The following PI4KB variants were observed in gnomAD, a reference collection of about 807,000 sequenced individuals.
The protein encoded by PI4KB is PtdIns 4-kinase beta.
In PI4KB, 23 loss-of-function variants were observed where a neutral mutation model predicts 81.4. That is an observed-to-expected ratio of 0.28 (90% CI 0.20 to 0.40). The LOEUF (loss-of-function observed/expected upper bound fraction) is 0.40. Ranked by LOEUF, PI4KB falls within the 10% of genes least tolerant of loss-of-function variation. The pLI, the probability that PI4KB is intolerant of heterozygous loss-of-function variation, is 1.00. For synonymous variants in PI4KB, 381 were observed against 406.8 expected, an observed-to-expected ratio of 0.94 and a Z score of 0.76; for missense variants, 651 against 1,036.6, an observed-to-expected ratio of 0.63 and a Z score of 5.11.
intron 11 of PI4KB, 113 bp from the exon 12 acceptor site, chr1:151,293,146 G>A: frequency 6.6e-7 from 1 of 1,519,672 alleles, no homozygotes; most frequent in Non-Finnish European, 8.8e-7. Flanking sequence ...CCCACCTCAG[G>A]TCCTTGATGA....
At chr1:151,318,966 A>T (rs371832597) in intron 1 of PI4KB, among the ~76,000 whole-genome samples, 6 of 152,158 alleles carry the variant, frequency 3.9e-5, no homozygotes, top group Admixed American at 2.6e-4. Flanking sequence ...GGCTGCTAAC[A>T]TATAATGGAA....
At chr1:151,324,547 G>GGA (rs1307539729) in intron 1 of PI4KB, among the ~76,000 whole-genome samples, 1 of 152,164 alleles carries the variant, frequency 6.6e-6, no homozygotes, top group East Asian at 1.9e-4. Context: ...GGGCATTAGG[G>GGA]GAGAGGGCAT....
chr1:151,318,431 G>A (rs902804069), intron 1 of PI4KB, among the ~76,000 whole-genome samples: 4 of 134,538 alleles, frequency 3.0e-5, no homozygotes, highest in Admixed American at 7.5e-5. Flanking sequence ...AAAAAAAAAA[G>A]GCCGGGCGCG....
intron 1 of PI4KB, among the ~76,000 whole-genome samples, chr1:151,319,361 A>T (rs1174962599): frequency 6.6e-6 from 1 of 152,190 alleles, no homozygotes; most frequent in African/African-American, 2.4e-5. Flanking sequence ...GTGTGTGTGT[A>T]ACATAAAACT....
chr1:151,326,137 C>G, intron 1 of PI4KB: 1 of 1,603,994 alleles, frequency 6.2e-7, no homozygotes, highest in Non-Finnish European at 8.5e-7. Context: ...TTAACAAAAG[C>G]CTAAAATTAA....
At chr1:151,310,664 C>A (rs1184156468) in intron 2 of PI4KB, among the ~76,000 whole-genome samples, 2 of 152,130 alleles carry the variant, frequency 1.3e-5, no homozygotes, top group Non-Finnish European at 2.9e-5. Flanking sequence ...TCCATGGGGA[C>A]CACCACAGGA....
At chr1:151,314,462 C>A (rs587645862) in intron 2 of PI4KB, among the ~76,000 whole-genome samples, 42 of 152,294 alleles carry the variant, frequency 2.8e-4, no homozygotes, top group South Asian at 1.0e-3. Context: ...GTGGGTATAA[C>A]CTATTCATGT....
At position 151,297,344 on chromosome 1, in the gene PI4KB, T is replaced by C. The variant is rs146149232; in HGVS notation, c.2015+1464A>G. Among the ~76,000 whole-genome samples, 781 of 149,798 alleles carry C rather than the reference T, an allele frequency of 5.2e-3. 7 individuals carry two copies. Among genetic ancestry groups the C allele is most frequent in the African/African-American group, 0.018 (742 of 40,942 alleles). ...ATCCTCCTGCCTCGGCCTTGTTGGCTAGATTTTTTTTTTTTTTTTTTGAGA... is the reference window on the plus strand; with the variant it reads ...ATCCTCCTGCCTCGGCCTTGTTGGCCAGATTTTTTTTTTTTTTTTTTGAGA... On this transcript the variant is annotated intron_variant, in intron 9 of 11. Transcript: ENST00000368873.
chr1:151,307,233 T>C (rs1482514407), intron 4 of PI4KB, among the ~76,000 whole-genome samples: 4 of 152,108 alleles, frequency 2.6e-5, no homozygotes, highest in Non-Finnish European at 4.4e-5. Context: ...ATCCTTATGG[T>C]TGCTGTATCT....
intron 3 of PI4KB, 85 bp from the exon 4 acceptor site, chr1:151,307,886 A>G: frequency 9.6e-7 from 1 of 1,045,890 alleles, no homozygotes; most frequent in South Asian, 1.3e-5. Flanking sequence ...CTGGCCATGC[A>G]GGCCGGGGAC....
intron 8 of PI4KB, among the ~76,000 whole-genome samples, chr1:151,301,521 C>T (rs899425781): frequency 6.6e-6 from 1 of 152,240 alleles, no homozygotes; most frequent in Non-Finnish European, 1.5e-5. Context: ...CCTCAGCCTC[C>T]GGAGTAGCTG....
chr1:151,322,063 A>AG (rs1183918763), intron 1 of PI4KB, among the ~76,000 whole-genome samples: 2 of 152,090 alleles, frequency 1.3e-5, no homozygotes, highest in East Asian at 3.8e-4. Flanking sequence ...ATGGCCTTCA[A>AG]GGGGGTTCAG....
At position 151,303,612 on chromosome 1, in the gene PI4KB, G is replaced by A; in HGVS notation, c.1449C>T (p.Ser483=). 6.2e-7 allele frequency: 1 copy of A among 1,614,048 alleles called. No individual in the cohort carries two copies. Among genetic ancestry groups the A allele is most frequent in the Non-Finnish European group, 8.5e-7 (1 of 1,179,928 alleles). ...TGGTGATGCTGTCCACAGAGAACTG[G>A]GAGATGTTGTCACAGCTGTTGGTAT... ...EVHTNSCDNI[S]QFSVDSITSQ... Residue 483 remains serine (S), a synonymous_variant, in exon 6 of 12, where the codon TCC becomes TCT. Transcript: ENST00000368873.
rs1002995279 is a variant in PI4KB, at chr1:151,306,419, C to G, written c.1183-56G>C. On this transcript the variant is annotated intron_variant, in intron 4 of 11. Coordinates refer to ENST00000368873, the MANE Select transcript of PI4KB (RefSeq NM_001369623.2). ...TTACTTCCACCACTAACCCCCAAAT[C>G]TCAACTCTGTTAGCAAGGTTCTTCC... The G allele has an allele frequency of 2.4e-5, 27 of 1,121,796 alleles. No individual in the cohort carries two copies. The African/African-American group carries it at 4.0e-4, about 17-fold the overall frequency. The allele number at this position is 1,121,796 out of a possible 1,614,324, so 69.5% of individuals were successfully genotyped here.
intron 9 of PI4KB, among the ~76,000 whole-genome samples, chr1:151,297,376 T>C (rs1694895754): frequency 1.3e-5 from 1 of 78,874 alleles, no homozygotes; most frequent in Non-Finnish European, 3.1e-5. Context: ...GAGACTCGCT[T>C]TGTTGCCCAG....
chr1:151,295,314 A>G (rs1265590211), intron 9 of PI4KB, among the ~76,000 whole-genome samples: 1 of 152,208 alleles, frequency 6.6e-6, no homozygotes, highest in Admixed American at 6.5e-5. Context: ...TCTGAGGGCC[A>G]CCTTCTCTGG....
Position 151,314,873 on chromosome 1 carries a change from G to A in PI4KB, c.909+700C>T, listed in dbSNP as rs587710893. Among the ~76,000 whole-genome samples the A allele has an allele frequency of 4.6e-5, 7 of 152,308 alleles. No individual in the cohort carries two copies. The South Asian group carries it at 1.5e-3, about 32-fold the overall frequency. Reference sequence around the variant, plus strand: ...TACCTTTTCCTTTCCCACAGATGCTGCTCTGAGAGGCTCTGGTAGCTATCT... The same window carrying A: ...TACCTTTTCCTTTCCCACAGATGCTACTCTGAGAGGCTCTGGTAGCTATCT... On this transcript the variant is annotated intron_variant, in intron 2 of 11. Transcript: ENST00000368873.
At position 151,306,141 on chromosome 1, in the gene PI4KB, C is replaced by T. The variant is rs755436866; in HGVS notation, c.1405G>A (p.Val469Met). Residue 469 changes from valine (V) to methionine (M), a missense_variant, in exon 5 of 12, where the codon GTG (valine) becomes ATG (methionine). Around this residue, in one of 5 missense-constraint regions of PI4KB, gnomAD observed 246 missense variants for 430.1 expected, o/e 0.57. Coordinates refer to ENST00000368873, the MANE Select transcript of PI4KB (RefSeq NM_001369623.2). ...WSVDDIGELQVELPEVHTNSC... is the reference protein window; with the variant it reads ...WSVDDIGELQMELPEVHTNSC... ...CCTCCCTGAAGCCCTCTCACCTCCA[C>T]TTGCAGCTCGCCTATGTCATCCACC... 1 of 1,613,520 alleles carries T rather than the reference C, an allele frequency of 6.2e-7. No individual in the cohort carries two copies. The highest frequency in any genetic ancestry group is 8.5e-7 in the Non-Finnish European group (1 of 1,179,430).
intron 1 of PI4KB, 56 bp downstream of exon 1, chr1:151,327,215 G>GTGGGGGGGCCCCCCCC: frequency 2.0e-5 from 1 of 49,688 alleles, no homozygotes; most frequent in Non-Finnish European, 4.5e-5. Context: ...GTGGGAGAGG[G>GTGGGGGGGCCCCCCCC]ACCCCCCCCC....
Sources: gnomAD v4.1 joint callset for allele counts (sites outside exome capture counted in the v4.1 genomes callset) on GRCh38, gnomAD v4.1.1 for gene constraint, gnomAD v4.1.1 regional missense constraint, MANE v1.5 for transcripts, NCBI Gene and HGNC (gene_info 2026-07-23, HGNC 2026-07-21) for gene names.